WDR90: variants seen among roughly 807,000 people sequenced by gnomAD.
The protein encoded by WDR90 is WD repeat domain 90.
Under a neutral mutation model 195.2 loss-of-function variants are expected in WDR90, and 238 were observed. The ratio of observed to expected loss-of-function variants is 1.22; its 90% CI spans 1.10 to 1.36. The LOEUF is 1.36. WDR90 is among the 40% of genes most tolerant of loss of function. The pLI is 0.00. For missense variants in WDR90, 2,734 were observed against 2,439.5 expected, an observed-to-expected ratio of 1.12 and a Z score of -2.54; for synonymous variants, 1,265 against 1,052.4, an observed-to-expected ratio of 1.20 and a Z score of -3.91.
At chr16:659,477 A>T (rs1484251539) in intron 26 of WDR90, 101 bp downstream of exon 26, 4 of 1,409,638 alleles carry the variant, frequency 2.8e-6, no homozygotes, top group Non-Finnish European at 2.9e-6. Flanking sequence ...TCTGGGGTGC[A>T]GGTGCCATCG....
rs1338458125 is a variant in WDR90 at position 653,605 on chromosome 16, G to A, written c.1314G>A (p.Trp438Ter). 3 of 1,613,410 alleles carry A rather than the reference G, an allele frequency of 1.9e-6. No homozygotes were observed. The highest frequency in any genetic ancestry group is 8.5e-7 in the Non-Finnish European group (1 of 1,180,026). ...QARAPSVMRL[W>*]DFQTGRCLCL... is the part of the protein sequence containing the mutation. Reference sequence around the variant, plus strand: ...GGGCCCCTAGTGTGATGCGGCTCTGGGACTTCCAGACCGGGCGGTGCTTGT... The same window carrying A: ...GGGCCCCTAGTGTGATGCGGCTCTGAGACTTCCAGACCGGGCGGTGCTTGT... Residue 438 changes from tryptophan (W) to a stop codon, truncating the protein, a stop_gained, in exon 12 of 41, where the codon TGG becomes TGA. Transcript: ENST00000293879. LOFTEE classifies it high-confidence loss of function.
Position 661,082 on chromosome 16 carries a change from G to A in WDR90, c.3423G>A (p.Val1141=), listed in dbSNP as rs778266136. 15 of 1,492,882 alleles carry A rather than the reference G, an allele frequency of 1.0e-5. No individual in the cohort carries two copies. The East Asian group carries it at 4.2e-4, about 42-fold the overall frequency. 92.5% of individuals were successfully genotyped at this position (1,492,882 alleles called of 1,614,324 possible). ...GFFAYTCGRL[V]VVEDLHSGAQ... ...TTGCCTACACGTGCGGCCGCCTGGT[G>A]GTGGTGGAGGACCTGCACTCTGGCG... Residue 1141 remains valine, a synonymous_variant, in exon 29 of 41, where the codon GTG becomes GTA. Transcript: ENST00000293879.
chr16:653,865 G>A (rs2037694109), intron 13 of WDR90, 62 bp downstream of exon 13: 1 of 1,587,144 alleles, frequency 6.3e-7, no homozygotes, highest in Non-Finnish European at 8.6e-7. Context: ...ACAGCTGGAA[G>A]GGTCTTGGTT....
intron 21 of WDR90, 29 bp downstream of exon 21, chr16:657,921 G>A (rs2037796269): frequency 6.6e-7 from 1 of 1,525,108 alleles, no homozygotes. Context: ...TGGGTCCAGG[G>A]AGACTGGGCC....
At position 657,431 on chromosome 16, in the gene WDR90, T is replaced by A. The variant is rs935181196; in HGVS notation, c.2473+210T>A. 7 of 893,684 alleles carry A rather than the reference T, an allele frequency of 7.8e-6. No individual in the cohort carries two copies. In the African/African-American group the frequency reaches 8.5e-5, roughly 11 times the overall value. 55.4% of individuals were successfully genotyped at this position (893,684 alleles called of 1,614,324 possible). A position where few individuals can be genotyped will look rare whatever the true frequency, so the allele number is the denominator to read the frequency against. On this transcript the variant is annotated intron_variant, in intron 20 of 40. Coordinates refer to ENST00000293879, the MANE Select transcript of WDR90 (RefSeq NM_145294.5). ...CCCCAAGGCCAGAGGTCAGCTCGGGTCTGTGCCCAGGAGGCGGCAGGCAGC... is the reference window on the plus strand; with the variant it reads ...CCCCAAGGCCAGAGGTCAGCTCGGGACTGTGCCCAGGAGGCGGCAGGCAGC...
chr16:656,989 C>G (rs1482864169), intron 19 of WDR90, 102 bp from the exon 20 acceptor site: 12 of 1,557,778 alleles, frequency 7.7e-6, no homozygotes, highest in African/African-American at 1.4e-5. Context: ...TTTGCTGCCC[C>G]ATGGGGACTT....
intron 13 of WDR90, chr16:654,631 G>T: frequency 5.7e-6 from 1 of 176,326 alleles, no homozygotes; most frequent in Non-Finnish European, 1.2e-5. Flanking sequence ...TTAACTTTTT[G>T]TAGAGATAGG....
At chr16:662,151 C>G in intron 32 of WDR90, 69 bp from the exon 33 acceptor site, 1 of 1,529,918 alleles carries the variant, frequency 6.5e-7, no homozygotes, top group Non-Finnish European at 8.8e-7. Context: ...CCCTGGCGTC[C>G]GGGCAGCCTT....
chr16:657,569 C>T lies in WDR90; in HGVS notation c.2474-193C>T, dbSNP rs533860567. On this transcript the variant is annotated intron_variant, in intron 20 of 40. Coordinates refer to ENST00000293879, the MANE Select transcript of WDR90 (RefSeq NM_145294.5). The stretch of plus-strand genomic sequence containing the variant: ...GTCACTTATGACTACTGCTGGCCCA[C>T]GGGGACTCCCAGCTCCCCTGGCAGC... Among the ~76,000 whole-genome samples, 254 of 152,350 alleles carry T rather than the reference C, an allele frequency of 1.7e-3. 1 individual carries two copies. The highest frequency in any genetic ancestry group is 6.8e-3 in the Middle Eastern group (2 of 294).
chr16:650,189 G>A (rs2037614348), intron 3 of WDR90, 22 bp downstream of exon 3: 1 of 1,610,326 alleles, frequency 6.2e-7, no homozygotes, highest in Non-Finnish European at 8.5e-7. Flanking sequence ...GCGGCTGGGG[G>A]CTGCGTGGGA....
At chr16:662,588 T>C in intron 33 of WDR90, 91 bp from the exon 34 acceptor site, 1 of 1,483,380 alleles carries the variant, frequency 6.7e-7, no homozygotes, top group Non-Finnish European at 9.0e-7. Flanking sequence ...GATGCAATGC[T>C]GAGGGCCCTG....
At position 661,188 on chromosome 16, in the gene WDR90, G is replaced by T. The variant is rs557178923; in HGVS notation, c.3513+16G>T. 1.2e-5 allele frequency: 19 copies of T among 1,528,532 alleles called. No individual in the cohort carries two copies. In the African/African-American group the frequency reaches 1.9e-4, roughly 16 times the overall value. The allele number at this position is 1,528,532 out of a possible 1,614,324, so 94.7% of individuals were successfully genotyped here. A position where few individuals can be genotyped will look rare whatever the true frequency, so the allele number is the denominator to read the frequency against. The stretch of plus-strand genomic sequence containing the variant: ...CAGTGCCCAGGTGCCCGCCTGCATC[G>T]CCCTCCTCCTCTCCCAGGGCCACCG... On this transcript the variant is annotated intron_variant, in intron 29 of 40. Transcript: ENST00000293879.
intron 20 of WDR90, 86 bp downstream of exon 20, chr16:657,307 C>T (rs1474069419): frequency 6.9e-6 from 10 of 1,444,022 alleles, no homozygotes; most frequent in Admixed American, 2.6e-5. Flanking sequence ...GACACACATG[C>T]CGGTTTCCTG....
At position 666,368 on chromosome 16, in the gene WDR90, G is replaced by C; in HGVS notation, c.4740+18G>C. 6.2e-7 allele frequency: 1 copy of C among 1,612,308 alleles called. No individual in the cohort carries two copies. Among genetic ancestry groups the C allele is most frequent in the South Asian group, 1.1e-5 (1 of 91,078 alleles). On this transcript the variant is annotated intron_variant, in intron 37 of 40. Coordinates refer to ENST00000293879, the MANE Select transcript of WDR90 (RefSeq NM_145294.5). ...GCAAAGAGGTAAAGCAGCCCCAAGA[G>C]CTGGGGAGAGGGGGCCTGGGTGCTG... is the stretch of plus-strand genomic sequence containing the variant.
At chr16:649,570 C>G in intron 1 of WDR90, 144 bp downstream of exon 1, 1 of 1,185,696 alleles carries the variant, frequency 8.4e-7, no homozygotes, top group South Asian at 2.7e-5. Flanking sequence ...GCCGGGCGCC[C>G]ACCCTCGGGC....
Position 651,268 on chromosome 16 carries a change from T to A in WDR90, c.736+2T>A, listed in dbSNP as rs967274919. ...AGAGCTGTTCCCCTCCTGAGGCAGG[T>A]GGGTCTGGGGGGTCAGCGGGGACCC... On this transcript the variant is annotated splice_donor_variant, in intron 7 of 40. Coordinates refer to ENST00000293879, the MANE Select transcript of WDR90 (RefSeq NM_145294.5). LOFTEE classifies it high-confidence loss of function. The A allele has an allele frequency of 6.2e-7, 1 of 1,612,678 alleles. No homozygotes were observed. Among genetic ancestry groups the A allele is most frequent in the Non-Finnish European group, 8.5e-7 (1 of 1,179,868 alleles).
rs376492142 is a variant in WDR90 at position 650,059 on chromosome 16, C to A, written c.171C>A (p.Leu57=). 2 of 1,612,948 alleles carry A rather than the reference C, an allele frequency of 1.2e-6. No individual in the cohort carries two copies. The highest frequency in any genetic ancestry group is 2.7e-5 in the African/African-American group (2 of 75,082). The change falls in exon 3 of 41, where the codon CTC becomes CTA. Residue 57 remains leucine, a synonymous_variant. Transcript: ENST00000293879. The part of the protein sequence containing the change: ...GSVSAANYIQ[L]PKSSTQSLGL... ...TCTCTGCCGCCAACTACATCCAGCTCCCTAAGAGCAGCACCCAGTCTCTGG... is the reference window on the plus strand; with the variant it reads ...TCTCTGCCGCCAACTACATCCAGCTACCTAAGAGCAGCACCCAGTCTCTGG...
chr16:650,316 G>A lies in WDR90; in HGVS notation c.342G>A (p.Thr114=), dbSNP rs376652620. 3.3e-5 allele frequency: 54 copies of A among 1,612,972 alleles called. No individual in the cohort carries two copies. Among genetic ancestry groups the A allele is most frequent in the African/African-American group, 1.9e-4 (14 of 75,066 alleles). The change falls in exon 4 of 41, where the codon ACG becomes ACA. Residue 114 remains threonine, a synonymous_variant. Coordinates refer to ENST00000293879, the MANE Select transcript of WDR90 (RefSeq NM_145294.5). ...NLFKEFKSTA[T]WLQFPLVLEA... ...TCAAGGAGTTTAAGTCTACGGCCAC[G>A]TGGCTCCAGTTTCCCTTGGTCCTGG...
chr16:666,317 C>T lies in WDR90; in HGVS notation c.4707C>T (p.Ala1569=), dbSNP rs753221584. 14 of 1,612,708 alleles carry T rather than the reference C, an allele frequency of 8.7e-6. No individual in the cohort carries two copies. In the South Asian group the frequency reaches 1.1e-4, roughly 13 times the overall value. ...TFRVLSDHQG[A]PISTICVTCK... is the part of the protein sequence containing the mutation. ...GTGTGCTGAGTGACCACCAGGGCGC[C>T]CCAATCTCTACCATCTGTGTCACGT... Residue 1569 remains alanine (A), a synonymous_variant, in exon 37 of 41, where the codon GCC becomes GCT. Transcript: ENST00000293879.
Sources: gnomAD v4.1 joint callset for allele counts (sites outside exome capture counted in the v4.1 genomes callset) on GRCh38, gnomAD v4.1.1 for gene constraint, MANE v1.5 for transcripts, NCBI Gene and HGNC (gene_info 2026-07-23, HGNC 2026-07-21) for gene names.